Variants in GHR observed in about 807,000 individuals in gnomAD.
GHR encodes GH receptor.
In GHR, 35 loss-of-function variants were observed where a neutral mutation model predicts 67.1. That is an observed-to-expected ratio of 0.52 (90% CI 0.40 to 0.69). The LOEUF (loss-of-function observed/expected upper bound fraction) is 0.69. Among genes scored for constraint, GHR ranks in the 30% least tolerant of loss-of-function variants. The pLI is 0.00. For synonymous variants in GHR, 272 were observed against 269.1 expected (o/e 1.01, Z -0.10); for missense variants, 792 against 764.6 (o/e 1.04, Z -0.42).
chr5:42,579,528 C>A (rs1751047422), intron 2 of GHR, among the ~76,000 whole-genome samples: 2 of 152,184 alleles, frequency 1.3e-5, no homozygotes, highest in Admixed American at 6.5e-5. Flanking sequence ...GAAGATCACC[C>A]TTAAAGCCTG....
At chr5:42,561,713 T>G (rs908634377) in intron 1 of GHR, among the ~76,000 whole-genome samples, 1 of 152,208 alleles carries the variant, frequency 6.6e-6, no homozygotes, top group African/African-American at 2.4e-5. Context: ...GTGAGTTCCA[T>G]TATGCAAGAA....
At chr5:42,620,441 C>T (rs1181979081) in intron 2 of GHR, among the ~76,000 whole-genome samples, 1 of 152,078 alleles carries the variant, frequency 6.6e-6, no homozygotes, top group Non-Finnish European at 1.5e-5. Flanking sequence ...GCTTATTATT[C>T]ATTGGGCAGT....
At chr5:42,467,305 T>C in intron 1 of GHR, 10 of 1,102,364 alleles carry the variant, frequency 9.1e-6, no homozygotes, top group Non-Finnish European at 8.4e-6. Flanking sequence ...CTCATATGGC[T>C]TCTCACCAGT....
intron 2 of GHR, among the ~76,000 whole-genome samples, chr5:42,576,099 T>TAAAATAAATAAAATAAAATA (rs11400007): frequency 6.5e-4 from 45 of 69,130 alleles, no homozygotes; most frequent in African/African-American, 1.8e-3. Context: ...TAAAATAAAA[T>TAAAATAAATAAAATAAAATA]AAATAAAATA....
intron 3 of GHR, among the ~76,000 whole-genome samples, chr5:42,669,699 T>G (rs1756173974): frequency 6.6e-6 from 1 of 152,184 alleles, no homozygotes; most frequent in South Asian, 2.1e-4. Flanking sequence ...TTAAAATCAC[T>G]GGGGAACTTT....
At chr5:42,523,313 G>A (rs886833752) in intron 1 of GHR, among the ~76,000 whole-genome samples, 17 of 152,134 alleles carry the variant, frequency 1.1e-4, no homozygotes, top group Non-Finnish European at 2.2e-4. Context: ...GCTTTATTGT[G>A]TTTTGTAGAT....
chr5:42,719,088 C>A lies in GHR; in HGVS notation c.1581C>A (p.Asn527Lys). The A allele has an allele frequency of 1.2e-6, 2 of 1,613,482 alleles. No homozygotes were observed. The highest frequency in any genetic ancestry group is 1.7e-6 in the Non-Finnish European group (2 of 1,179,420). The stretch of plus-strand genomic sequence containing the variant: ...AAATGGTCTCACTCTGCCAAGAAAA[C>A]TTCCTTATGGACAATGCCTACTTCT... ...HPEMVSLCQE[N>K]FLMDNAYFCE... Residue 527 changes from asparagine (N) to lysine (K), a missense_variant, in exon 10 of 10, where the codon AAC (asparagine) becomes AAA (lysine). By Grantham distance (94) the Asn-to-Lys change is moderately conservative (BLOSUM62 0). Transcript: ENST00000230882.
chr5:42,588,547 A>AAAAAAAAAAAAAAAAAAAC (rs1751612515), intron 2 of GHR, among the ~76,000 whole-genome samples: 1 of 150,486 alleles, frequency 6.6e-6, no homozygotes, highest in Non-Finnish European at 1.5e-5. Context: ...AAAAAAAAAA[A>AAAAAAAAAAAAAAAAAAAC]AAAAGTGACC....
At chr5:42,537,068 C>A (rs1748289616) in intron 1 of GHR, among the ~76,000 whole-genome samples, 1 of 151,986 alleles carries the variant, frequency 6.6e-6, no homozygotes, top group African/African-American at 2.4e-5. Flanking sequence ...CTTGGTTAAT[C>A]TTACTAATGG....
At chr5:42,674,441 T>G (rs1756470551) in intron 3 of GHR, among the ~76,000 whole-genome samples, 1 of 152,208 alleles carries the variant, frequency 6.6e-6, no homozygotes. Context: ...CAATCACTAC[T>G]ATCTAACTCT....
At chr5:42,651,854 G>A (rs578197813) in intron 3 of GHR, among the ~76,000 whole-genome samples, 186 of 151,994 alleles carry the variant, frequency 1.2e-3, no homozygotes, top group Non-Finnish European at 2.2e-3. Context: ...AAAAAAATTA[G>A]CCAGAAAAAC....
chr5:42,432,346 T>A (rs904093092), intron 1 of GHR, among the ~76,000 whole-genome samples: 3 of 152,230 alleles, frequency 2.0e-5, no homozygotes, highest in Non-Finnish European at 2.9e-5. Context: ...TCTTTCCCTG[T>A]GCTTATTGAG....
intron 3 of GHR, among the ~76,000 whole-genome samples, chr5:42,642,789 G>T (rs1449401891): frequency 6.6e-6 from 1 of 152,154 alleles, no homozygotes; most frequent in African/African-American, 2.4e-5. Flanking sequence ...GTATGACCAG[G>T]ATTGGTTCCT....
chr5:42,615,109 C>A (rs1205254890), intron 2 of GHR, among the ~76,000 whole-genome samples: 1 of 151,924 alleles, frequency 6.6e-6, no homozygotes, highest in Non-Finnish European at 1.5e-5. Flanking sequence ...GCATTCCTTG[C>A]ACCCTGGTGA....
intron 1 of GHR, among the ~76,000 whole-genome samples, chr5:42,538,642 A>G (rs759665491): frequency 2.0e-5 from 3 of 152,158 alleles, no homozygotes; most frequent in Non-Finnish European, 2.9e-5. Flanking sequence ...ATAACCTGGT[A>G]ACAATGTGCC....
chr5:42,576,055 A>AAAAT (rs1750659819), intron 2 of GHR, among the ~76,000 whole-genome samples: 3 of 66,292 alleles, frequency 4.5e-5, no homozygotes, highest in Non-Finnish European at 8.2e-5. Context: ...ATAATAAAAT[A>AAAAT]AAATAAAATA....
rs528944761 is a variant in GHR, at chr5:42,480,805, T to G, written c.-12+56850T>G. Among the ~76,000 whole-genome samples the G allele has an allele frequency of 4.6e-5, 7 of 152,294 alleles. No individual in the cohort carries two copies. In the East Asian group the frequency reaches 5.8e-4, roughly 13 times the overall value. ...TCTCTGCATGTGAGATGGGTTTCCT[T>G]AATACAGCACGCTGATGGGTCTTGA... On this transcript the variant is annotated intron_variant, in intron 1 of 9. Coordinates refer to ENST00000230882, the MANE Select transcript of GHR (RefSeq NM_000163.5).
At chr5:42,532,494 G>T (rs866328368) in intron 1 of GHR, among the ~76,000 whole-genome samples, 1 of 152,056 alleles carries the variant, frequency 6.6e-6, no homozygotes, top group African/African-American at 2.4e-5. Context: ...TATTCGTAAA[G>T]AAACAAATTG....
intron 1 of GHR, among the ~76,000 whole-genome samples, chr5:42,435,538 T>C (rs1202262894): frequency 2.6e-5 from 4 of 152,216 alleles, no homozygotes; most frequent in Non-Finnish European, 5.9e-5. Context: ...CTGGGACTAA[T>C]TTCAGGTTTG....
Sources: gnomAD v4.1 joint callset for allele counts (sites outside exome capture counted in the v4.1 genomes callset) on GRCh38, gnomAD v4.1.1 for gene constraint, MANE v1.5 for transcripts, NCBI Gene and HGNC (gene_info 2026-07-23, HGNC 2026-07-21) for gene names.